The following PKD2L2 variants were observed in gnomAD, a reference collection of about 807,000 sequenced individuals.
PKD2L2 encodes polycystin 2 like 2, transient receptor potential cation channel, also known as polycystin-2-like protein 2.
A neutral mutation model predicts 83.9 loss-of-function variants in PKD2L2; 67 were observed. The ratio of observed to expected loss-of-function variants is 0.80; its 90% CI spans 0.66 to 0.98. The LOEUF (loss-of-function observed/expected upper bound fraction) is 0.98. Ranked by LOEUF, PKD2L2 falls within the 50% of genes least tolerant of loss-of-function variation. The probability of loss-of-function intolerance (pLI) is 0.00; values close to 1 mark genes in which losing one functional copy is unlikely to be tolerated. For missense variants in PKD2L2, 632 were observed against 717.2 expected (o/e 0.88, Z 1.36); for synonymous variants, 223 against 237.8 (o/e 0.94, Z 0.57).
At position 137,937,295 on chromosome 5, in the gene PKD2L2, G is replaced by T. The variant is rs183514450; in HGVS notation, c.*17+868G>T. 2.9e-4 allele frequency among the ~76,000 whole-genome samples: 44 copies of T among 152,278 alleles called. 1 individual carries two copies. The East Asian group carries it at 7.3e-3, about 25-fold the overall frequency. On this transcript the variant is annotated intron_variant, in intron 14 of 14. Coordinates refer to ENST00000508883, the MANE Select transcript of PKD2L2 (RefSeq NM_001300921.2). ...GAAATCTCACTAACATCTTCAAACTGGAAATTTACCTAGACCATTTCTAAG... is the reference window on the plus strand; with the variant it reads ...GAAATCTCACTAACATCTTCAAACTTGAAATTTACCTAGACCATTTCTAAG...
Position 137,907,909 on chromosome 5 carries a change from A to G in PKD2L2, c.1143A>G (p.Ile381Met). 2 of 1,303,602 alleles carry G rather than the reference A, an allele frequency of 1.5e-6. No individual in the cohort carries two copies. Among genetic ancestry groups the G allele is most frequent in the Non-Finnish European group, 2.2e-6 (2 of 927,292 alleles). The allele number at this position is 1,303,602 out of a possible 1,614,324, so 80.8% of individuals were successfully genotyped here. ...CTATTACCATCTTTTTTGCATGGAT[A>G]AAGGTATTTATATTTCATTATATTA... ...IIAITIFFAW[I>M]KIFKFISFNK... The change falls in exon 7 of 15, where the codon ATA (isoleucine) becomes ATG (methionine). Residue 381 changes from isoleucine to methionine, a missense_variant. Physicochemically the swap from Ile to Met is conservative, Grantham distance 10 (BLOSUM62 1). Coordinates refer to ENST00000508883, the MANE Select transcript of PKD2L2 (RefSeq NM_001300921.2).
chr5:137,906,038 A>T (rs938290187), intron 5 of PKD2L2, among the ~76,000 whole-genome samples, 168 bp from the exon 6 acceptor site: 4 of 152,214 alleles, frequency 2.6e-5, no homozygotes, highest in African/African-American at 9.6e-5. Context: ...GAAATAGGTA[A>T]ATCTAGAAGA....
At chr5:137,915,622 T>C (rs924073251) in intron 8 of PKD2L2, among the ~76,000 whole-genome samples, 11 of 152,096 alleles carry the variant, frequency 7.2e-5, no homozygotes, top group African/African-American at 2.4e-4. Context: ...GGTTTCACCA[T>C]GTTGGTCAAG....
chr5:137,933,202 T>G (rs936327324), intron 12 of PKD2L2, among the ~76,000 whole-genome samples: 3 of 152,204 alleles, frequency 2.0e-5, no homozygotes, highest in African/African-American at 7.2e-5. Flanking sequence ...AATTTTGAGC[T>G]GAACAGTTGG....
At chr5:137,927,487 G>A (rs1394392824) in intron 12 of PKD2L2, among the ~76,000 whole-genome samples, 1 of 152,168 alleles carries the variant, frequency 6.6e-6, no homozygotes, top group Non-Finnish European at 1.5e-5. Flanking sequence ...ACATAATCAT[G>A]GACTGGATAA....
intron 2 of PKD2L2, among the ~76,000 whole-genome samples, chr5:137,891,697 CT>C (rs200232420): frequency 6.8e-6 from 1 of 147,256 alleles, no homozygotes; most frequent in African/African-American, 2.5e-5. Flanking sequence ...GATTTTTTTT[CT>C]TTTTTTTTTC....
chr5:137,928,914 A>G (rs1759608973), intron 12 of PKD2L2, among the ~76,000 whole-genome samples: 1 of 152,152 alleles, frequency 6.6e-6, no homozygotes, highest in East Asian at 1.9e-4. Context: ...TTCACATTTT[A>G]ACATCTGTGA....
At chr5:137,907,128 G>A (rs1757434288) in intron 6 of PKD2L2, among the ~76,000 whole-genome samples, 2 of 152,094 alleles carry the variant, frequency 1.3e-5, no homozygotes, top group Admixed American at 1.3e-4. Context: ...TTTAAGCCTT[G>A]TTTCCCAAAA....
intron 4 of PKD2L2, among the ~76,000 whole-genome samples, chr5:137,899,137 G>C (rs2150008507): frequency 6.6e-6 from 1 of 151,716 alleles, no homozygotes; most frequent in South Asian, 2.1e-4. Flanking sequence ...TTTTTGTTTT[G>C]AGACAAGGTC....
In PKD2L2 at chr5:137,889,479, G is replaced by C. The variant is rs753641234; in HGVS notation, c.-13G>C. On this transcript the variant is annotated 5_prime_UTR_variant, in exon 1 of 15. Transcript: ENST00000508883. Reference sequence around the variant, plus strand: ...CTCAGGCGAACGAACGGGCGGTGTAGTGCAGGTCCGCCATGGCTGAGGCGT... The same window carrying C: ...CTCAGGCGAACGAACGGGCGGTGTACTGCAGGTCCGCCATGGCTGAGGCGT... 1 of 1,575,696 alleles carries C rather than the reference G, an allele frequency of 6.3e-7. No individual in the cohort carries two copies. The highest frequency in any genetic ancestry group is 2.5e-5 in the East Asian group (1 of 39,648).
intron 5 of PKD2L2, 63 bp downstream of exon 5, chr5:137,899,800 G>C (rs1302694750): frequency 5.9e-6 from 5 of 842,628 alleles, no homozygotes; most frequent in Non-Finnish European, 9.6e-6. Flanking sequence ...TTCTTTATTA[G>C]TACAGTTGAC....
At position 137,936,460 on chromosome 5, in the gene PKD2L2, C is replaced by CTTT. The variant is rs375553066; in HGVS notation, c.*17+44_*17+46dup. ...TCTGTGATGCAATCATTGAGCATTT[C>CTTT]TTTTTTTTTTTTTGAGACGGAGTCT... On this transcript the variant is annotated intron_variant, in intron 14 of 14. Transcript: ENST00000508883. 77 of 1,264,310 alleles carry CTTT rather than the reference C, an allele frequency of 6.1e-5. No individual in the cohort carries two copies. The Middle Eastern group carries it at 6.9e-4, about 11-fold the overall frequency. The allele number at this position is 1,264,310 out of a possible 1,614,324, so 78.3% of individuals were successfully genotyped here. A position where few individuals can be genotyped will look rare whatever the true frequency, so the allele number is the denominator to read the frequency against.
chr5:137,937,511 C>T (rs1213881487), intron 14 of PKD2L2, among the ~76,000 whole-genome samples: 3 of 152,010 alleles, frequency 2.0e-5, no homozygotes, highest in African/African-American at 7.3e-5. Flanking sequence ...CTATGTAAGC[C>T]CCCCTACGAT....
chr5:137,897,341 A>G (rs754068188), intron 4 of PKD2L2, among the ~76,000 whole-genome samples: 13 of 151,926 alleles, frequency 8.6e-5, no homozygotes, highest in Admixed American at 7.2e-4. Flanking sequence ...ACAGGTGTGC[A>G]CTATCACACC....
intron 14 of PKD2L2, chr5:137,939,753 T>C (rs1323227195): frequency 1.5e-6 from 1 of 655,134 alleles, no homozygotes; most frequent in Non-Finnish European, 2.0e-6. Context: ...GAGAACACAG[T>C]TGCGTATGTG....
chr5:137,896,892 C>T (rs973698504), intron 4 of PKD2L2, among the ~76,000 whole-genome samples: 4 of 148,200 alleles, frequency 2.7e-5, no homozygotes, highest in African/African-American at 9.8e-5. Flanking sequence ...TCTTGAACAA[C>T]CTGTCTTGAA....
intron 5 of PKD2L2, 81 bp from the exon 6 acceptor site, chr5:137,906,125 C>A: frequency 2.5e-6 from 2 of 789,692 alleles, no homozygotes; most frequent in Non-Finnish European, 4.2e-6. Context: ...CATACATAAT[C>A]ATTGATTGAA....
intron 3 of PKD2L2, 34 bp from the exon 4 acceptor site, chr5:137,894,319 A>G (rs372267777): frequency 8.9e-5 from 138 of 1,550,150 alleles, no homozygotes; most frequent in Non-Finnish European, 1.1e-4. Context: ...ACATGAAAAT[A>G]TTTTTCCCAT....
chr5:137,899,718 A>T lies in PKD2L2; in HGVS notation c.727A>T (p.Asn243Tyr). Residue 243 changes from asparagine to tyrosine, a missense_variant, in exon 5 of 15, where the codon AAT becomes TAT. Transcript: ENST00000508883. ...TTTTTCCTTATATAATGCTAATGTA[A>T]ATCTATTTTGTATTATCAGGTGAGT... ...IDFSLYNANV[N>Y]LFCIIRLVAE... 1 of 1,601,412 alleles carries T rather than the reference A, an allele frequency of 6.2e-7. No homozygotes were observed. Among genetic ancestry groups the T allele is most frequent in the Non-Finnish European group, 8.5e-7 (1 of 1,169,712 alleles).
Sources: allele counts gnomAD v4.1 joint callset (sites outside exome capture counted in the v4.1 genomes callset), GRCh38; gene constraint gnomAD v4.1.1; transcripts MANE v1.5; gene names NCBI Gene and HGNC (gene_info 2026-07-23, HGNC 2026-07-21).